Variants in LRMDA observed in about 807,000 individuals in gnomAD.
LRMDA encodes leucine-rich melanocyte differentiation-associated protein.
LRMDA carries 18 observed loss-of-function variants against 29.8 expected under a neutral mutation model. The observed-to-expected ratio is 0.60, with a 90% CI of 0.42 to 0.90. The LOEUF is 0.90. Among genes scored for constraint, LRMDA ranks in the 40% least tolerant of loss-of-function variants. The pLI is 0.00. For synonymous variants in LRMDA, 125 were observed against 109.4 expected, an observed-to-expected ratio of 1.14 and a Z score of -0.89; for missense variants, 273 against 273.9, an observed-to-expected ratio of 1.00 and a Z score of 0.02.
At chr10:76,414,303 A>T (rs1564534798) in intron 6 of LRMDA, among the ~76,000 whole-genome samples, 1 of 152,248 alleles carries the variant, frequency 6.6e-6, no homozygotes, top group Non-Finnish European at 1.5e-5. Flanking sequence ...AAACTCTATT[A>T]GGACTTACAG....
chr10:75,990,101 A>C (rs1847341588), intron 2 of LRMDA, among the ~76,000 whole-genome samples: 1 of 152,160 alleles, frequency 6.6e-6, no homozygotes, highest in Admixed American at 6.5e-5. Flanking sequence ...ATTTTAGGTA[A>C]ATCATCTGGC....
chr10:75,742,896 T>G (rs1326649488), intron 2 of LRMDA: 1 of 152,242 alleles, frequency 6.6e-6, no homozygotes, highest in African/African-American at 2.4e-5. Flanking sequence ...GAGAATCACT[T>G]TAATGTATGA....
chr10:75,850,662 G>A (rs1449855890), intron 2 of LRMDA, among the ~76,000 whole-genome samples: 2 of 152,056 alleles, frequency 1.3e-5, no homozygotes, highest in Non-Finnish European at 2.9e-5. Context: ...TAATACACAG[G>A]GTTTGGGGGT....
chr10:75,550,455 C>G (rs1840128519), intron 2 of LRMDA, among the ~76,000 whole-genome samples: 1 of 151,978 alleles, frequency 6.6e-6, no homozygotes. Context: ...GTTCTGAAAC[C>G]TACTTTGTAT....
At chr10:76,366,316 G>T (rs1177508657) in intron 6 of LRMDA, among the ~76,000 whole-genome samples, 1 of 152,104 alleles carries the variant, frequency 6.6e-6, no homozygotes, top group African/African-American at 2.4e-5. Context: ...TGTTGAATTT[G>T]TAGATTTCTT....
chr10:75,593,159 C>T lies in LRMDA; in HGVS notation c.131+154665C>T, dbSNP rs141525492. Among the ~76,000 whole-genome samples, 5 of 152,312 alleles carry T rather than the reference C, an allele frequency of 3.3e-5. No homozygotes were observed. The East Asian group carries it at 9.6e-4, about 29-fold the overall frequency. On this transcript the variant is annotated intron_variant, in intron 2 of 6. Coordinates refer to ENST00000611255, the MANE Select transcript of LRMDA (RefSeq NM_001305581.2). ...TAGCTCATTCCCTCCCCCATCCCAACGTTGGATAATTTATTTTTTAACCAG... is the reference window on the plus strand; with the variant it reads ...TAGCTCATTCCCTCCCCCATCCCAATGTTGGATAATTTATTTTTTAACCAG...
At chr10:76,155,815 C>T (rs1171455181) in intron 5 of LRMDA, among the ~76,000 whole-genome samples, 1 of 152,150 alleles carries the variant, frequency 6.6e-6, no homozygotes, top group Non-Finnish European at 1.5e-5. Context: ...TTTGCAAGTA[C>T]TTATCAGCCT....
intron 5 of LRMDA, among the ~76,000 whole-genome samples, chr10:76,307,090 C>T (rs550525948): frequency 1.3e-5 from 2 of 152,226 alleles, no homozygotes; most frequent in Non-Finnish European, 2.9e-5. Flanking sequence ...TTTCTTTTTC[C>T]ATGTCATACT....
intron 6 of LRMDA, chr10:76,464,855 T>TTA (rs1429928568): frequency 2.6e-5 from 4 of 152,188 alleles, no homozygotes; most frequent in Non-Finnish European, 5.9e-5. Flanking sequence ...ATATGCTTGA[T>TTA]TATATGATCA....
At chr10:75,527,427 A>G (rs902816459) in intron 2 of LRMDA, among the ~76,000 whole-genome samples, 2 of 152,106 alleles carry the variant, frequency 1.3e-5, no homozygotes, top group Non-Finnish European at 2.9e-5. Flanking sequence ...GATAGGTCAT[A>G]TCATAATTCT....
At chr10:75,973,966 T>A (rs1021373551) in intron 2 of LRMDA, among the ~76,000 whole-genome samples, 1 of 152,174 alleles carries the variant, frequency 6.6e-6, no homozygotes, top group Non-Finnish European at 1.5e-5. Flanking sequence ...GAGCCAAACT[T>A]ACCTATTGGT....
At chr10:75,786,023 T>C (rs1843466229) in intron 2 of LRMDA, among the ~76,000 whole-genome samples, 1 of 152,192 alleles carries the variant, frequency 6.6e-6, no homozygotes, top group African/African-American at 2.4e-5. Flanking sequence ...CATGCTGTGT[T>C]CAAGGCCCAC....
rs112666225 is a variant in LRMDA at position 75,608,129 on chromosome 10, T to C, written c.131+169635T>C. 6.7e-3 allele frequency among the ~76,000 whole-genome samples: 596 copies of C among 89,616 alleles called. 48 individuals carry two copies. The highest frequency in any genetic ancestry group is 0.011 in the Non-Finnish European group (407 of 37,020). 58.8% of individuals were successfully genotyped at this position (89,616 alleles called of 152,430 possible). A position where few individuals can be genotyped will look rare whatever the true frequency, so the allele number is the denominator to read the frequency against. On this transcript the variant is annotated intron_variant, in intron 2 of 6. Coordinates refer to ENST00000611255, the MANE Select transcript of LRMDA (RefSeq NM_001305581.2). ...GTGTGTGTATATATATATATATATATACACACACATACACAAAGCAATATT... is the reference window on the plus strand; with the variant it reads ...GTGTGTGTATATATATATATATATACACACACACATACACAAAGCAATATT...
chr10:75,578,035 A>G (rs1840530687), intron 2 of LRMDA, among the ~76,000 whole-genome samples: 1 of 152,024 alleles, frequency 6.6e-6, no homozygotes, highest in Non-Finnish European at 1.5e-5. Flanking sequence ...TTCACACATA[A>G]CAATATTAAC....
At chr10:76,253,650 A>C (rs541069888) in intron 5 of LRMDA, among the ~76,000 whole-genome samples, 1 of 152,122 alleles carries the variant, frequency 6.6e-6, no homozygotes, top group Non-Finnish European at 1.5e-5. Context: ...ATTTTTTACA[A>C]TTTTAGTGTC....
chr10:76,322,538 C>T (rs1203375017), intron 5 of LRMDA, among the ~76,000 whole-genome samples: 2 of 152,140 alleles, frequency 1.3e-5, no homozygotes, highest in Admixed American at 6.6e-5. Flanking sequence ...ACCTACAGTA[C>T]GAAACAAAAC....
chr10:75,868,678 G>A (rs554948257), intron 2 of LRMDA, among the ~76,000 whole-genome samples: 11 of 152,212 alleles, frequency 7.2e-5, no homozygotes, highest in African/African-American at 1.4e-4. Flanking sequence ...AGCCTCTCCC[G>A]CTTGTTTAGC....
intron 2 of LRMDA, among the ~76,000 whole-genome samples, chr10:75,464,852 C>T (rs936594163): frequency 3.3e-5 from 5 of 152,176 alleles, no homozygotes; most frequent in African/African-American, 1.2e-4. Context: ...TTTTTTATTT[C>T]AGCTGGAGCC....
chr10:75,922,708 C>T (rs572505778), intron 2 of LRMDA, among the ~76,000 whole-genome samples: 5 of 152,274 alleles, frequency 3.3e-5, no homozygotes, highest in African/African-American at 1.2e-4. Flanking sequence ...CCTCAGAATC[C>T]TTCTCAGCAA....
Sources: gnomAD v4.1 joint callset for allele counts (sites outside exome capture counted in the v4.1 genomes callset) on GRCh38, gnomAD v4.1.1 for gene constraint, MANE v1.5 for transcripts, NCBI Gene and HGNC (gene_info 2026-07-23, HGNC 2026-07-21) for gene names.